Variants in SLC14A1 observed in about 807,000 individuals in gnomAD.
SLC14A1 encodes urea transporter 1.
In SLC14A1, 36 loss-of-function variants were observed where a neutral mutation model predicts 39.6. The observed-to-expected ratio is 0.91, with a 90% CI of 0.70 to 1.20. The LOEUF (loss-of-function observed/expected upper bound fraction) is 1.20, where lower values mean the gene tolerates loss of function less well. SLC14A1 is among the 50% of genes most tolerant of loss of function. SLC14A1 has a pLI of 0.00. For synonymous variants in SLC14A1, 164 were observed against 173.6 expected, an observed-to-expected ratio of 0.94 and a Z score of 0.43; for missense variants, 469 against 478.7, an observed-to-expected ratio of 0.98 and a Z score of 0.19.
intron 4 of SLC14A1, among the ~76,000 whole-genome samples, chr18:45,732,475 C>T (rs1369156817): frequency 6.6e-6 from 1 of 152,126 alleles, no homozygotes; most frequent in African/African-American, 2.4e-5. Flanking sequence ...CCCATTTGCC[C>T]TCAAGGATTA....
chr18:45,734,126 C>T (rs369467519), intron 4 of SLC14A1, 148 bp from the exon 5 acceptor site: 11 of 978,232 alleles, frequency 1.1e-5, no homozygotes, highest in Middle Eastern at 2.1e-4. Context: ...AGTTTTTGTA[C>T]GATGCTTACG....
intron 5 of SLC14A1, 44 bp from the exon 6 acceptor site, chr18:45,736,412 C>T: frequency 6.3e-7 from 1 of 1,591,212 alleles, no homozygotes; most frequent in Non-Finnish European, 8.6e-7. Context: ...GTGTGTCAGC[C>T]TGCTTTGTCA....
At chr18:45,749,124 A>T (rs1331883354) in intron 9 of SLC14A1, among the ~76,000 whole-genome samples, 5 of 145,806 alleles carry the variant, frequency 3.4e-5, no homozygotes. Flanking sequence ...TAGGTCTTGT[A>T]TGATGCTTGA....
chr18:45,750,186 G>T lies in SLC14A1; in HGVS notation c.*235G>T. ...TGGTATGGAATTTGAAACCCCAATG[G>T]GGCCTTGGCACTAAGACTGGAATGT... On this transcript the variant is annotated 3_prime_UTR_variant, in exon 10 of 10. Coordinates refer to ENST00000321925, the MANE Select transcript of SLC14A1 (RefSeq NM_015865.7). 1 of 1,420,332 alleles carries T rather than the reference G, an allele frequency of 7.0e-7. No homozygotes were observed. Among genetic ancestry groups the T allele is most frequent in the Non-Finnish European group, 9.2e-7 (1 of 1,091,688 alleles). The allele number at this position is 1,420,332 out of a possible 1,614,324, so 88.0% of individuals were successfully genotyped here.
chr18:45,725,945 G>T (rs1407951381), intron 2 of SLC14A1, among the ~76,000 whole-genome samples: 1 of 152,204 alleles, frequency 6.6e-6, no homozygotes, highest in Non-Finnish European at 1.5e-5. Flanking sequence ...CCGGTGCCAG[G>T]CAGGGGCAGA....
At chr18:45,748,911 C>G (rs1268935842) in intron 9 of SLC14A1, among the ~76,000 whole-genome samples, 3 of 152,170 alleles carry the variant, frequency 2.0e-5, no homozygotes, top group Non-Finnish European at 4.4e-5. Context: ...GACACAGTGT[C>G]TTTCTGGTGG....
In SLC14A1 at chr18:45,751,814, T is replaced by G; in HGVS notation, c.*1863T>G. 1 of 948,112 alleles carries G rather than the reference T, an allele frequency of 1.1e-6. No homozygotes were observed. Among genetic ancestry groups the G allele is most frequent in the Non-Finnish European group, 1.3e-6 (1 of 796,326 alleles). The allele number at this position is 948,112 out of a possible 1,614,324, so 58.7% of individuals were successfully genotyped here. ...TTAATTAATTAATTAATTAATTAATTTAAAAAGGAAGTCATGTTCATTTAC... is the reference window on the plus strand; with the variant it reads ...TTAATTAATTAATTAATTAATTAATGTAAAAAGGAAGTCATGTTCATTTAC... On this transcript the variant is annotated 3_prime_UTR_variant, in exon 10 of 10. Transcript: ENST00000321925.
intron 5 of SLC14A1, 132 bp downstream of exon 5, chr18:45,734,534 T>C (rs1178682299): frequency 1.0e-5 from 10 of 961,568 alleles, no homozygotes; most frequent in Non-Finnish European, 1.5e-5. Flanking sequence ...ATAGTGGTGA[T>C]GGTTGTACAA....
At chr18:45,730,985 C>A (rs777399384) in intron 3 of SLC14A1, 30 bp from the exon 4 acceptor site, 1 of 1,610,900 alleles carries the variant, frequency 6.2e-7, no homozygotes, top group Non-Finnish European at 8.5e-7. Flanking sequence ...TGGCAGCTTC[C>A]TTAGCTCTGC....
chr18:45,746,727 A>G (rs1341889241), intron 8 of SLC14A1, among the ~76,000 whole-genome samples: 1 of 152,210 alleles, frequency 6.6e-6, no homozygotes, highest in East Asian at 1.9e-4. Context: ...TTCTGCTCAG[A>G]GCAGTAGCTC....
At chr18:45,740,021 T>G (rs1228959783) in intron 8 of SLC14A1, among the ~76,000 whole-genome samples, 1 of 152,224 alleles carries the variant, frequency 6.6e-6, no homozygotes, top group Non-Finnish European at 1.5e-5. Context: ...AAGCTCCCCC[T>G]GTGCTCACGG....
In SLC14A1 at chr18:45,751,919, C is replaced by T. The variant is rs1292672568; in HGVS notation, c.*1968C>T. 1.0e-6 allele frequency: 1 copy of T among 985,128 alleles called. No homozygotes were observed. Among genetic ancestry groups the T allele is most frequent in the Non-Finnish European group, 1.2e-6 (1 of 829,882 alleles). 61.0% of individuals were successfully genotyped at this position (985,128 alleles called of 1,614,324 possible). A position where few individuals can be genotyped will look rare whatever the true frequency, so the allele number is the denominator to read the frequency against. Reference sequence around the variant, plus strand: ...GGAATCCTGAAGATTTTTTCCACTTCTAGTTTGCAGTGCTCAGTGCACAAT... The same window carrying T: ...GGAATCCTGAAGATTTTTTCCACTTTTAGTTTGCAGTGCTCAGTGCACAAT... On this transcript the variant is annotated 3_prime_UTR_variant, in exon 10 of 10. Coordinates refer to ENST00000321925, the MANE Select transcript of SLC14A1 (RefSeq NM_015865.7).
At chr18:45,734,949 T>C (rs917243565) in intron 5 of SLC14A1, among the ~76,000 whole-genome samples, 2 of 152,228 alleles carry the variant, frequency 1.3e-5, no homozygotes, top group African/African-American at 4.8e-5. Flanking sequence ...ATTTGGCCTT[T>C]TGTCTGATCT....
chr18:45,727,176 C>T (rs1052629049), intron 2 of SLC14A1: 29 of 1,341,386 alleles, frequency 2.2e-5, no homozygotes, highest in African/African-American at 5.7e-5. Flanking sequence ...CTCCAGCCCC[C>T]CTCAGCTTGC....
chr18:45,751,795 A>T lies in SLC14A1; in HGVS notation c.*1844A>T. On this transcript the variant is annotated 3_prime_UTR_variant, in exon 10 of 10. Transcript: ENST00000321925. ...AGACCCTATCTCAAAAAAATTAATT[A>T]ATTAATTAATTAATTAATTTAAAAA... 1.2e-6 allele frequency: 1 copy of T among 839,528 alleles called. No homozygotes were observed. The highest frequency in any genetic ancestry group is 1.4e-6 in the Non-Finnish European group (1 of 698,036). 52.0% of individuals were successfully genotyped at this position (839,528 alleles called of 1,614,324 possible). A position where few individuals can be genotyped will look rare whatever the true frequency, so the allele number is the denominator to read the frequency against.
chr18:45,748,326 A>G (rs751076758), intron 8 of SLC14A1, 50 bp from the exon 9 acceptor site: 1 of 1,589,188 alleles, frequency 6.3e-7, no homozygotes. Context: ...TCCTGTGATT[A>G]AAAGTGCATC....
chr18:45,731,105 T>C lies in SLC14A1; in HGVS notation c.242T>C (p.Ile81Thr). ...FVNNPVSGIL[I>T]LVGLLVQNPW... The stretch of plus-strand genomic sequence containing the variant: ...AACAACCCCGTCAGTGGAATCCTGA[T>C]TCTGGTAGGACTTCTTGTTCAGAAC... Residue 81 changes from isoleucine to threonine, a missense_variant, in exon 4 of 10, where the codon ATT becomes ACT. Ile to Thr is a moderately conservative substitution (Grantham distance 89). Transcript: ENST00000321925. 2.5e-6 allele frequency: 4 copies of C among 1,614,204 alleles called. No individual in the cohort carries two copies. The highest frequency in any genetic ancestry group is 1.1e-5 in the South Asian group (1 of 91,082).
chr18:45,731,674 A>G (rs1159794662), intron 4 of SLC14A1: 1 of 220,672 alleles, frequency 4.5e-6, no homozygotes, highest in Admixed American at 5.2e-5. Context: ...AAGAATAACC[A>G]TGAATTCCAA....
At chr18:45,742,122 A>G (rs1476990808) in intron 8 of SLC14A1, among the ~76,000 whole-genome samples, 1 of 152,116 alleles carries the variant, frequency 6.6e-6, no homozygotes, top group Non-Finnish European at 1.5e-5. Flanking sequence ...AGGATTCTCC[A>G]GGGGGCCATT....
Sources: allele counts gnomAD v4.1 joint callset (sites outside exome capture counted in the v4.1 genomes callset), GRCh38; gene constraint gnomAD v4.1.1; transcripts MANE v1.5; gene names NCBI Gene and HGNC (gene_info 2026-07-23, HGNC 2026-07-21).